NDUFC1: variants seen among roughly 807,000 people sequenced by gnomAD.
The protein encoded by NDUFC1 is NADH:ubiquinone oxidoreductase subunit C1.
A neutral mutation model predicts 11.6 loss-of-function variants in NDUFC1; 11 were observed. The ratio of observed to expected loss-of-function variants is 0.95; its 90% CI spans 0.60 to 1.58. The LOEUF (loss-of-function observed/expected upper bound fraction) is 1.58, where lower values mean the gene tolerates loss of function less well. Among genes scored for constraint, NDUFC1 ranks in the 40% most tolerant of loss-of-function variants. The probability of loss-of-function intolerance (pLI) is 0.00; values close to 1 mark genes in which losing one functional copy is unlikely to be tolerated. For missense variants in NDUFC1, 112 were observed against 93.0 expected (o/e 1.20, Z -0.84); for synonymous variants, 52 against 42.2 (o/e 1.23, Z -0.90).
chr4:139,298,474 C>G (rs1366959773), intron 1 of NDUFC1, among the ~76,000 whole-genome samples: 1 of 150,048 alleles, frequency 6.7e-6, no homozygotes, highest in Non-Finnish European at 1.5e-5. Context: ...CAGCAGCAGG[C>G]CGGGCGTTGG....
At position 139,295,977 on chromosome 4, in the gene NDUFC1, G is replaced by A; in HGVS notation, c.-162-17C>T. On this transcript the variant is annotated splice_polypyrimidine_tract_variant and intron_variant, in intron 2 of 5. Transcript: ENST00000394223. ...GCCTTCTGTCTATACAGTGGAATTA[G>A]GAAGAAAATAATTAAAAGAAAAAAG... The A allele has an allele frequency of 1.8e-6, 1 of 568,680 alleles. No individual in the cohort carries two copies. The highest frequency in any genetic ancestry group is 3.0e-6 in the Non-Finnish European group (1 of 332,034). The allele number at this position is 568,680 out of a possible 1,614,324, so 35.2% of individuals were successfully genotyped here.
chr4:139,292,344 C>T (rs1231884088), intron 5 of NDUFC1, among the ~76,000 whole-genome samples, 186 bp downstream of exon 5: 1 of 151,686 alleles, frequency 6.6e-6, no homozygotes, highest in Non-Finnish European at 1.5e-5. Flanking sequence ...ACCCCATCCC[C>T]CCCAAAACAA....
intron 4 of NDUFC1, among the ~76,000 whole-genome samples, chr4:139,294,661 C>G (rs1037284637): frequency 6.7e-6 from 1 of 149,244 alleles, no homozygotes; most frequent in East Asian, 2.0e-4. Context: ...CGTGAACCCG[C>G]GAGGCAGAGC....
At chr4:139,295,580 G>T in intron 3 of NDUFC1, 152 bp downstream of exon 3, 3 of 763,964 alleles carry the variant, frequency 3.9e-6, no homozygotes, top group Non-Finnish European at 4.1e-6. Context: ...CCTGCGTAGG[G>T]GACAGGCGTG....
At chr4:139,292,662 T>C (rs1234916081) in intron 4 of NDUFC1, 53 bp from the exon 5 acceptor site, 12 of 1,172,492 alleles carry the variant, frequency 1.0e-5, no homozygotes, top group South Asian at 3.0e-5. Flanking sequence ...TGGATACTTA[T>C]ATTTTGTAAA....
upstream of NDUFC1, chr4:139,302,519 A>T (rs1321379040): frequency 6.6e-6 from 1 of 152,196 alleles, no homozygotes; most frequent in African/African-American, 2.4e-5. Flanking sequence ...TCCGAGCGGG[A>T]AACAGCCCCA....
intron 1 of NDUFC1, among the ~76,000 whole-genome samples, chr4:139,299,862 C>T (rs1422007424): frequency 6.6e-6 from 1 of 152,170 alleles, no homozygotes; most frequent in Non-Finnish European, 1.5e-5. Flanking sequence ...AATTTTCTTC[C>T]TCTGAAGGAA....
chr4:139,298,836 G>T (rs568263182), intron 1 of NDUFC1, among the ~76,000 whole-genome samples: 1 of 152,026 alleles, frequency 6.6e-6, no homozygotes, highest in South Asian at 2.1e-4. Flanking sequence ...ACCACACCTG[G>T]CAAATTTTAA....
Position 139,295,161 on chromosome 4 carries a change from G to T in NDUFC1, c.68-15C>A. 1.2e-6 allele frequency: 2 copies of T among 1,608,922 alleles called. No individual in the cohort carries two copies. The highest frequency in any genetic ancestry group is 1.7e-6 in the Non-Finnish European group (2 of 1,175,364). ...TCGCACTGAAGCTGAAAGGGGAAGAGGGTCTGTAAATTTGTAACTTACTGC... is the reference window on the plus strand; with the variant it reads ...TCGCACTGAAGCTGAAAGGGGAAGATGGTCTGTAAATTTGTAACTTACTGC... On this transcript the variant is annotated splice_polypyrimidine_tract_variant and intron_variant, in intron 3 of 5. Coordinates refer to ENST00000394223, the MANE Select transcript of NDUFC1 (RefSeq NM_001184989.2).
At chr4:139,299,001 A>G (rs1362006697) in intron 1 of NDUFC1, among the ~76,000 whole-genome samples, 1 of 150,370 alleles carries the variant, frequency 6.7e-6, no homozygotes, top group Non-Finnish European at 1.5e-5. Context: ...ATGTAGTCTC[A>G]CTCTGTTGTC....
intron 5 of NDUFC1, 23 bp from the exon 6 acceptor site, chr4:139,290,115 T>C (rs994503482): frequency 1.3e-5 from 2 of 150,342 alleles, no homozygotes; most frequent in African/African-American, 4.9e-5. Context: ...AAAAAAAAAC[T>C]GTAGCATTAA....
At chr4:139,301,856 G>T (rs962018727) in intron 1 of NDUFC1, 1 of 1,577,620 alleles carries the variant, frequency 6.3e-7, no homozygotes, top group East Asian at 2.4e-5. Flanking sequence ...CCGGGCAAGC[G>T]GTGGGGAGGA....
intron 4 of NDUFC1, among the ~76,000 whole-genome samples, chr4:139,294,657 C>T (rs1363310802): frequency 6.6e-6 from 1 of 151,614 alleles, no homozygotes; most frequent in Non-Finnish European, 1.5e-5. Flanking sequence ...ATGGCGTGAA[C>T]CCGCGAGGCA....
intron 1 of NDUFC1, chr4:139,301,405 G>A (rs1745725075): frequency 2.3e-6 from 1 of 425,782 alleles, no homozygotes. Context: ...AGGTTTCCCG[G>A]CAAGCTCCGA....
chr4:139,294,353 A>G (rs1286056263), intron 4 of NDUFC1, among the ~76,000 whole-genome samples: 1 of 152,202 alleles, frequency 6.6e-6, no homozygotes, highest in Non-Finnish European at 1.5e-5. Context: ...AATTTGTACA[A>G]CTTGCACACT....
intron 1 of NDUFC1, chr4:139,301,762 G>GGGAGCAGCC (rs1305092336): frequency 9.6e-6 from 15 of 1,564,780 alleles, no homozygotes; most frequent in East Asian, 2.4e-5. Context: ...CGGGAGCAGC[G>GGGAGCAGCC]GGAGCAGCCG....
chr4:139,292,733 A>G, intron 4 of NDUFC1, 124 bp from the exon 5 acceptor site: 3 of 492,674 alleles, frequency 6.1e-6, no homozygotes, highest in Non-Finnish European at 6.6e-6. Context: ...TAAGAGATCC[A>G]AAAGTTCAAA....
chr4:139,294,061 C>T (rs1034925974), intron 4 of NDUFC1, among the ~76,000 whole-genome samples: 1 of 151,094 alleles, frequency 6.6e-6, no homozygotes, highest in Non-Finnish European at 1.5e-5. Flanking sequence ...GCTGTCTCAG[C>T]CTCCTGAACA....
At chr4:139,290,357 T>C (rs1745160032) in intron 5 of NDUFC1, among the ~76,000 whole-genome samples, 1 of 148,716 alleles carries the variant, frequency 6.7e-6, no homozygotes, top group Non-Finnish European at 1.5e-5. Flanking sequence ...AAAGTCACTA[T>C]GTTGCCCAAA....
Sources: gnomAD v4.1 joint callset for allele counts (sites outside exome capture counted in the v4.1 genomes callset) on GRCh38, gnomAD v4.1.1 for gene constraint, MANE v1.5 for transcripts, NCBI Gene and HGNC (gene_info 2026-07-23, HGNC 2026-07-21) for gene names.